Variants in BSPRY observed in about 807,000 individuals in gnomAD.
BSPRY encodes B-box and SPRY domain containing, also known as B box and SPRY domain-containing protein.
In BSPRY, 33 loss-of-function variants were observed where a neutral mutation model predicts 38.0. That is an observed-to-expected ratio of 0.87 (90% CI 0.66 to 1.16). BSPRY has a LOEUF of 1.16. Among genes scored for constraint, BSPRY ranks in the 50% most tolerant of loss-of-function variants. The pLI is 0.00. For synonymous variants in BSPRY, 224 were observed against 228.5 expected, an observed-to-expected ratio of 0.98 and a Z score of 0.18; for missense variants, 523 against 533.2, an observed-to-expected ratio of 0.98 and a Z score of 0.19.
In BSPRY at chr9:113,370,207, T is replaced by C. The variant is rs1018683267; in HGVS notation, c.*65T>C. On this transcript the variant is annotated 3_prime_UTR_variant, in exon 6 of 6. Transcript: ENST00000374183. The surrounding 1 kb of genome is among the most constrained non-coding windows in gnomAD (Gnocchi z 4.8). ...TTTCAGGCCATGTTTCTACTCAGTGTGCTTTTCCCAAATGATGTGTGTGGT... is the reference window on the plus strand; with the variant it reads ...TTTCAGGCCATGTTTCTACTCAGTGCGCTTTTCCCAAATGATGTGTGTGGT... 36 of 1,492,824 alleles carry C rather than the reference T, an allele frequency of 2.4e-5. No individual in the cohort carries two copies. In the Middle Eastern group the frequency reaches 1.6e-3, roughly 68 times the overall value. The allele number at this position is 1,492,824 out of a possible 1,614,324, so 92.5% of individuals were successfully genotyped here. A position where few individuals can be genotyped will look rare whatever the true frequency, so the allele number is the denominator to read the frequency against.
At chr9:113,355,088 C>T (rs116122788) in intron 2 of BSPRY, among the ~76,000 whole-genome samples, 2,400 of 152,302 alleles carry the variant, frequency 0.016, 61 homozygotes, top group African/African-American at 0.054. Flanking sequence ...AACTCCTGGG[C>T]TTAAGCCAAC....
intron 1 of BSPRY, 141 bp from the exon 2 acceptor site, chr9:113,354,099 A>G (rs1210411566): frequency 3.1e-6 from 2 of 652,150 alleles, no homozygotes; most frequent in South Asian, 1.8e-5. Flanking sequence ...AGGAGGTGGT[A>G]CAGTTTTTGA....
intron 5 of BSPRY, among the ~76,000 whole-genome samples, chr9:113,369,150 C>T (rs1217859413): frequency 6.6e-6 from 1 of 152,110 alleles, no homozygotes; most frequent in Non-Finnish European, 1.5e-5. Context: ...TTCCTAGCTC[C>T]CAGAGGCTGT....
intron 4 of BSPRY, among the ~76,000 whole-genome samples, chr9:113,363,876 CAAAAAAAAAAA>C (rs57026104): frequency 1.3e-3 from 50 of 37,562 alleles, no homozygotes; most frequent in Admixed American, 1.6e-3. Flanking sequence ...GACTCCACCT[CAAAAAAAAAAA>C]AAAAAAAAAA....
intron 2 of BSPRY, among the ~76,000 whole-genome samples, chr9:113,355,772 A>G (rs999070518): frequency 6.7e-6 from 1 of 149,792 alleles, no homozygotes; most frequent in Non-Finnish European, 1.5e-5. Context: ...CCACCACGAC[A>G]CCCAGCTAAT....
chr9:113,365,089 T>A (rs1359713488), intron 4 of BSPRY, among the ~76,000 whole-genome samples: 22 of 152,206 alleles, frequency 1.4e-4, no homozygotes, highest in Admixed American at 1.4e-3. Context: ...TGATCTGTCT[T>A]CAGTTCATCA....
At chr9:113,353,084 G>A (rs140449041) in intron 1 of BSPRY, among the ~76,000 whole-genome samples, 85 of 152,278 alleles carry the variant, frequency 5.6e-4, no homozygotes, top group African/African-American at 1.9e-3. Context: ...GAGTGTGTGC[G>A]CCAGAAAGTG....
chr9:113,357,847 T>G (rs1396206844), intron 2 of BSPRY, among the ~76,000 whole-genome samples: 1 of 133,364 alleles, frequency 7.5e-6, no homozygotes, highest in Non-Finnish European at 1.6e-5. Flanking sequence ...CTGCTTGGAT[T>G]ACCAGCATGA....
intron 4 of BSPRY, among the ~76,000 whole-genome samples, chr9:113,367,337 CCAG>C (rs1834268038): frequency 6.6e-6 from 1 of 152,156 alleles, no homozygotes; most frequent in Non-Finnish European, 1.5e-5. Flanking sequence ...AAATACCTCT[CCAG>C]CAAAACCCAG....
chr9:113,369,716 C>T lies in BSPRY; in HGVS notation c.783C>T (p.Ala261=), dbSNP rs367943904. 58 of 1,614,240 alleles carry T rather than the reference C, an allele frequency of 3.6e-5. 1 individual carries two copies. The African/African-American group carries it at 6.7e-4, about 19-fold the overall frequency. Residue 261 remains alanine (A), a synonymous_variant, in exon 6 of 6, where the codon GCC becomes GCT. Transcript: ENST00000374183. Reference sequence around the variant, plus strand: ...CCTTCAGCACCAAGAAGTCAAAGGCCTGTGCAGATGGCCCGGAGCGCTTCG... The same window carrying T: ...CCTTCAGCACCAAGAAGTCAAAGGCTTGTGCAGATGGCCCGGAGCGCTTCG... ...TLTFSTKKSK[A]CADGPERFDH...
chr9:113,357,205 G>A (rs559871105), intron 2 of BSPRY, among the ~76,000 whole-genome samples: 2 of 152,206 alleles, frequency 1.3e-5, no homozygotes, highest in South Asian at 4.1e-4. Context: ...TCCCAGCATG[G>A]GTTCCAAGGA....
chr9:113,362,560 C>T (rs1834174051), intron 4 of BSPRY, among the ~76,000 whole-genome samples, 166 bp downstream of exon 4: 1 of 152,198 alleles, frequency 6.6e-6, no homozygotes, highest in South Asian at 2.1e-4. Context: ...CTGCCCTTGG[C>T]TTAGAGAACT....
In BSPRY at chr9:113,354,224, G is replaced by A. The variant is rs372538396; in HGVS notation, c.202-16G>A. The A allele has an allele frequency of 2.7e-4, 436 of 1,604,510 alleles. No homozygotes were observed. The highest frequency in any genetic ancestry group is 4.2e-4 in the South Asian group (38 of 90,402). On this transcript the variant is annotated splice_polypyrimidine_tract_variant and intron_variant, in intron 1 of 5. Transcript: ENST00000374183. Reference sequence around the variant, plus strand: ...GTACATGGACCAAGATGCCACAAGCGTTGTTTGTGTTGCAGAACAAGATTG... The same window carrying A: ...GTACATGGACCAAGATGCCACAAGCATTGTTTGTGTTGCAGAACAAGATTG...
intron 1 of BSPRY, 31 bp downstream of exon 1, chr9:113,349,811 G>T: frequency 8.2e-7 from 1 of 1,218,020 alleles, no homozygotes; most frequent in Non-Finnish European, 1.0e-6. Context: ...GAAGGCGAGG[G>T]CTCCGGAGAC....
At chr9:113,363,828 A>G (rs1038303345) in intron 4 of BSPRY, among the ~76,000 whole-genome samples, 1 of 133,440 alleles carries the variant, frequency 7.5e-6, no homozygotes, top group Admixed American at 8.6e-5. Flanking sequence ...CAGTGAGCTG[A>G]GATGCGCCAC....
intron 3 of BSPRY, among the ~76,000 whole-genome samples, chr9:113,361,025 T>A (rs1834144608): frequency 6.6e-6 from 1 of 152,122 alleles, no homozygotes; most frequent in Non-Finnish European, 1.5e-5. Flanking sequence ...TCTGATCAGG[T>A]TCCTCATCCA....
intron 1 of BSPRY, among the ~76,000 whole-genome samples, chr9:113,352,324 CAG>C (rs1328034700): frequency 1.3e-5 from 2 of 152,192 alleles, no homozygotes; most frequent in East Asian, 1.9e-4. Context: ...GTGGGGGAGA[CAG>C]ATACCCAAAA....
At chr9:113,353,736 A>G (rs1588060971) in intron 1 of BSPRY, among the ~76,000 whole-genome samples, 1 of 152,248 alleles carries the variant, frequency 6.6e-6, no homozygotes, top group South Asian at 2.1e-4. Context: ...ATAAAAATAA[A>G]CACAAGACAA....
In BSPRY at chr9:113,349,555, G is replaced by A; in HGVS notation, c.-25G>A. On this transcript the variant is annotated 5_prime_UTR_variant, in exon 1 of 6. Coordinates refer to ENST00000374183, the MANE Select transcript of BSPRY (RefSeq NM_017688.3). ...CGCCCGCCGCCACCTGCGACAGGTG[G>A]AGCGCACGGGGCGGGCGCACGGCCA... 1 of 1,125,926 alleles carries A rather than the reference G, an allele frequency of 8.9e-7. No individual in the cohort carries two copies. Among genetic ancestry groups the A allele is most frequent in the Non-Finnish European group, 1.1e-6 (1 of 921,558 alleles). 69.7% of individuals were successfully genotyped at this position (1,125,926 alleles called of 1,614,324 possible). A position where few individuals can be genotyped will look rare whatever the true frequency, so the allele number is the denominator to read the frequency against.
Sources: gnomAD v4.1 joint callset for allele counts (sites outside exome capture counted in the v4.1 genomes callset) on GRCh38, gnomAD v4.1.1 for gene constraint, Gnocchi (gnomAD v3.1) non-coding constraint, MANE v1.5 for transcripts, NCBI Gene and HGNC (gene_info 2026-07-23, HGNC 2026-07-21) for gene names.